Variants in TXNRD1 observed in about 807,000 individuals in gnomAD.
TXNRD1 encodes thioredoxin reductase 1.
TXNRD1 carries 57 observed loss-of-function variants against 80.3 expected under a neutral mutation model. The ratio of observed to expected loss-of-function variants is 0.71; its 90% CI spans 0.57 to 0.89. TXNRD1 has a LOEUF of 0.89. Ranked by LOEUF, TXNRD1 falls within the 40% of genes least tolerant of loss-of-function variation. TXNRD1 has a pLI of 0.00. For missense variants in TXNRD1, 730 were observed against 803.0 expected (o/e 0.91, Z 1.10); for synonymous variants, 291 against 285.2 (o/e 1.02, Z -0.20).
At chr12:104,264,236 G>A (rs1056712436) in intron 3 of TXNRD1, among the ~76,000 whole-genome samples, 4 of 152,186 alleles carry the variant, frequency 2.6e-5, no homozygotes, top group African/African-American at 9.7e-5. Flanking sequence ...TCCAATTTCA[G>A]TGTAATCTGG....
rs574956170 is a variant in TXNRD1 at position 104,349,608 on chromosome 12, C to T, written c.*1187C>T. ...TGTTTATGCTTTGTTAGCATTTCAACTTGCATTATTATAAAGAGGTATTAA... is the reference window on the plus strand; with the variant it reads ...TGTTTATGCTTTGTTAGCATTTCAATTTGCATTATTATAAAGAGGTATTAA... On this transcript the variant is annotated 3_prime_UTR_variant, in exon 17 of 17. Coordinates refer to ENST00000525566, the MANE Select transcript of TXNRD1 (RefSeq NM_001093771.3). 8.5e-5 allele frequency: 13 copies of T among 152,604 alleles called. No individual in the cohort carries two copies. The highest frequency in any genetic ancestry group is 2.9e-5 in the Non-Finnish European group (2 of 68,036). The allele number at this position is 152,604 out of a possible 1,614,324, so 9.5% of individuals were successfully genotyped here. A position where few individuals can be genotyped will look rare whatever the true frequency, so the allele number is the denominator to read the frequency against.
chr12:104,322,008 T>C (rs950881405), intron 10 of TXNRD1, among the ~76,000 whole-genome samples: 2 of 152,088 alleles, frequency 1.3e-5, no homozygotes, highest in Admixed American at 6.6e-5. Context: ...TTTTTTTTTT[T>C]TTCATCTCTC....
At chr12:104,244,708 T>G (rs930791131) in intron 1 of TXNRD1, among the ~76,000 whole-genome samples, 1 of 152,240 alleles carries the variant, frequency 6.6e-6, no homozygotes, top group African/African-American at 2.4e-5. Flanking sequence ...AGAGAGCTAC[T>G]GTAATTTAGC....
At chr12:104,248,457 G>A (rs925031928) in intron 1 of TXNRD1, among the ~76,000 whole-genome samples, 3 of 152,042 alleles carry the variant, frequency 2.0e-5, no homozygotes, top group African/African-American at 4.8e-5. Flanking sequence ...GCTAATTTTC[G>A]TATTTTAAGT....
At chr12:104,243,291 A>G (rs1252751285) in intron 1 of TXNRD1, among the ~76,000 whole-genome samples, 2 of 152,108 alleles carry the variant, frequency 1.3e-5, no homozygotes, top group African/African-American at 4.8e-5. Flanking sequence ...GTGTTTCCAT[A>G]AAGACTTCTG....
chr12:104,232,018 GT>G (rs1239080562), intron 1 of TXNRD1, among the ~76,000 whole-genome samples: 14 of 152,232 alleles, frequency 9.2e-5, no homozygotes, highest in African/African-American at 3.4e-4. Context: ...ATAGGACTGT[GT>G]GTGTTGTTCA....
At chr12:104,324,033 A>G (rs1294400892) in intron 10 of TXNRD1, among the ~76,000 whole-genome samples, 1 of 152,156 alleles carries the variant, frequency 6.6e-6, no homozygotes, top group East Asian at 1.9e-4. Flanking sequence ...TGGACAGAGA[A>G]TGTAGTATGT....
intron 1 of TXNRD1, among the ~76,000 whole-genome samples, chr12:104,248,218 T>A (rs1037370482): frequency 4.6e-5 from 7 of 151,930 alleles, no homozygotes; most frequent in Admixed American, 1.3e-4. Flanking sequence ...ATTTAAAGTA[T>A]ATGCATATAT....
At position 104,327,527 on chromosome 12, in the gene TXNRD1, A is replaced by C; in HGVS notation, c.1398A>C (p.Ile466=). The change falls in exon 13 of 17, where the codon ATA becomes ATC. Residue 466 remains isoleucine, a synonymous_variant. Coordinates refer to ENST00000525566, the MANE Select transcript of TXNRD1 (RefSeq NM_001093771.3). ...GVKINEKTGK[I]PVTDEEQTNV... ...AATAAAATTGCAGGACTGGAAAAATACCTGTCACAGATGAAGAACAGACCA... is the reference window on the plus strand; with the variant it reads ...AATAAAATTGCAGGACTGGAAAAATCCCTGTCACAGATGAAGAACAGACCA... The C allele has an allele frequency of 6.2e-7, 1 of 1,612,270 alleles. No homozygotes were observed. The highest frequency in any genetic ancestry group is 8.5e-7 in the Non-Finnish European group (1 of 1,178,786).
In TXNRD1 at chr12:104,348,478, A is replaced by G; in HGVS notation, c.*57A>G. 1 of 1,575,516 alleles carries G rather than the reference A, an allele frequency of 6.3e-7. No homozygotes were observed. On this transcript the variant is annotated 3_prime_UTR_variant, in exon 17 of 17. Transcript: ENST00000525566. ...AAACCACTGGCTCGTTTCCGTGCCC[A>G]AATCCAAGGCGAAGTTTTCTAGAGG...
chr12:104,219,194 C>T (rs1305681633), intron 1 of TXNRD1, among the ~76,000 whole-genome samples: 1 of 152,146 alleles, frequency 6.6e-6, no homozygotes, highest in Non-Finnish European at 1.5e-5. Flanking sequence ...GATCCTCCTG[C>T]CTCAGCCTCC....
At chr12:104,215,921 C>T (rs548904501) in intron 1 of TXNRD1, 28 bp downstream of exon 1, 21 of 1,535,030 alleles carry the variant, frequency 1.4e-5, no homozygotes, top group African/African-American at 6.9e-5. Flanking sequence ...GGCCTGGTCC[C>T]CAGGTCGACG....
Position 104,339,287 on chromosome 12 carries a change from A to G in TXNRD1, c.1881+14A>G. 6.2e-7 allele frequency: 1 copy of G among 1,613,648 alleles called. No individual in the cohort carries two copies. Among genetic ancestry groups the G allele is most frequent in the South Asian group, 1.1e-5 (1 of 91,054 alleles). On this transcript the variant is annotated intron_variant, in intron 16 of 16. Coordinates refer to ENST00000525566, the MANE Select transcript of TXNRD1 (RefSeq NM_001093771.3). ...GTCTGTGCAGAGGTGGGTCATCTAC[A>G]CTTATACAGTTTAAAATGTTTAAAA...
chr12:104,223,759 G>A (rs1006372672), intron 1 of TXNRD1, among the ~76,000 whole-genome samples: 1 of 152,222 alleles, frequency 6.6e-6, no homozygotes, highest in Non-Finnish European at 1.5e-5. Flanking sequence ...CACTCACTGA[G>A]AGGCAGCTGA....
In TXNRD1 at chr12:104,286,602, T is replaced by G. The variant is rs11111978; in HGVS notation, c.305-2329T>G. 186 of 489,624 alleles carry G rather than the reference T, an allele frequency of 3.8e-4. 4 individuals are homozygous for G. In the East Asian group the frequency reaches 0.024, roughly 63 times the overall value. The allele number at this position is 489,624 out of a possible 1,614,324, so 30.3% of individuals were successfully genotyped here. A position where few individuals can be genotyped will look rare whatever the true frequency, so the allele number is the denominator to read the frequency against. On this transcript the variant is annotated intron_variant, in intron 3 of 16. Coordinates refer to ENST00000525566, the MANE Select transcript of TXNRD1 (RefSeq NM_001093771.3). ...ACCTTTGGAGTTTTTTTTTTTTTTTTAAACGCAGAGGCCCAGGTCACACTC... is the reference window on the plus strand; with the variant it reads ...ACCTTTGGAGTTTTTTTTTTTTTTTGAAACGCAGAGGCCCAGGTCACACTC...
At chr12:104,277,938 G>A (rs896026009) in intron 3 of TXNRD1, among the ~76,000 whole-genome samples, 1 of 150,792 alleles carries the variant, frequency 6.6e-6, no homozygotes, top group African/African-American at 2.4e-5. Flanking sequence ...GTGCAGTGGC[G>A]TGATCTTGGT....
chr12:104,267,699 T>TTCTTTCTTTCTTTC (rs1555209251), intron 3 of TXNRD1, among the ~76,000 whole-genome samples: 321 of 46,392 alleles, frequency 6.9e-3, no homozygotes, highest in Non-Finnish European at 0.011. Flanking sequence ...CTTTCTTTCT[T>TTCTTTCTTTCTTTC]TCTCTCTTTC....
At chr12:104,313,418 A>C in intron 6 of TXNRD1, 101 bp downstream of exon 6, 1 of 891,286 alleles carries the variant, frequency 1.1e-6, no homozygotes, top group Non-Finnish European at 1.7e-6. Context: ...ATCAAAAACT[A>C]AGTTAAAGAA....
intron 1 of TXNRD1, among the ~76,000 whole-genome samples, chr12:104,237,123 C>G (rs1226843273): frequency 6.6e-6 from 1 of 152,154 alleles, no homozygotes; most frequent in Non-Finnish European, 1.5e-5. Flanking sequence ...ATAGTTCCCT[C>G]AAAATCAAAG....
Sources: gnomAD v4.1 joint callset for allele counts (sites outside exome capture counted in the v4.1 genomes callset) on GRCh38, gnomAD v4.1.1 for gene constraint, MANE v1.5 for transcripts, NCBI Gene and HGNC (gene_info 2026-07-23, HGNC 2026-07-21) for gene names.